EPHA6: variants seen among roughly 807,000 people sequenced by gnomAD.
The protein encoded by EPHA6 is EPH receptor A6.
Under a neutral mutation model 112.0 loss-of-function variants are expected in EPHA6, and 50 were observed. The observed-to-expected ratio is 0.45, with a 90% confidence interval of 0.36 to 0.56. EPHA6 has a LOEUF of 0.56. Among genes scored for constraint, EPHA6 ranks in the 20% least tolerant of loss-of-function variants. The pLI is 0.00. For missense variants in EPHA6, 1,280 were observed against 1,417.4 expected (o/e 0.90, Z 1.56); for synonymous variants, 529 against 490.7 (o/e 1.08, Z -1.03).
intron 3 of EPHA6, among the ~76,000 whole-genome samples, chr3:97,132,707 G>C (rs1290337461): frequency 6.6e-6 from 1 of 151,928 alleles, no homozygotes; most frequent in Non-Finnish European, 1.5e-5. Flanking sequence ...TTACTCAATT[G>C]AGAATACAAA....
At chr3:97,184,612 T>A (rs548442278) in intron 3 of EPHA6, among the ~76,000 whole-genome samples, 25 of 152,232 alleles carry the variant, frequency 1.6e-4, no homozygotes, top group Non-Finnish European at 2.9e-4. Flanking sequence ...GTAGGAAGAA[T>A]CAATATCGTG....
intron 3 of EPHA6, among the ~76,000 whole-genome samples, chr3:96,988,586 A>G (rs534596375): frequency 6.6e-6 from 1 of 152,176 alleles, no homozygotes; most frequent in Non-Finnish European, 1.5e-5. Flanking sequence ...TGAGGGATTC[A>G]TGTATATTTT....
intron 11 of EPHA6, among the ~76,000 whole-genome samples, chr3:97,574,405 AT>A (rs1479556015): frequency 6.6e-6 from 1 of 152,152 alleles, no homozygotes; most frequent in Non-Finnish European, 1.5e-5. Flanking sequence ...GATGAGTAAA[AT>A]GTGGGTTAGA....
chr3:97,117,069 C>G (rs1024036851), intron 3 of EPHA6, among the ~76,000 whole-genome samples: 3 of 151,402 alleles, frequency 2.0e-5, no homozygotes, highest in African/African-American at 7.3e-5. Context: ...TTGTTTTTTC[C>G]TGATGATCAG....
At chr3:96,851,833 A>AG (rs911517684) in intron 1 of EPHA6, among the ~76,000 whole-genome samples, 4 of 152,060 alleles carry the variant, frequency 2.6e-5, no homozygotes, top group African/African-American at 4.8e-5. Flanking sequence ...TGGAATGGTG[A>AG]GAAAAAAAAA....
rs540203065 is a variant in EPHA6 at position 97,753,234 on chromosome 3, G to C, written c.*4533G>C. ...TTACTACAAAGATACGTTTGGCTGT[G>C]CTGTCATTGCTTTCAAGTAACTCTC... On this transcript the variant is annotated 3_prime_UTR_variant, in exon 18 of 18. Transcript: ENST00000389672. Among the ~76,000 whole-genome samples, 1 of 152,192 alleles carries C rather than the reference G, an allele frequency of 6.6e-6. No individual in the cohort carries two copies. The highest frequency in any genetic ancestry group is 1.9e-4 in the East Asian group (1 of 5,184).
rs78194596 is a variant in EPHA6, at chr3:97,325,224, C to A, written c.1607-79926C>A. 6.4e-3 allele frequency among the ~76,000 whole-genome samples: 968 copies of A among 152,168 alleles called. 13 individuals are homozygous for A. The highest frequency in any genetic ancestry group is 0.021 in the African/African-American group (878 of 41,546). On this transcript the variant is annotated intron_variant, in intron 5 of 17. Coordinates refer to ENST00000389672, the MANE Select transcript of EPHA6 (RefSeq NM_001080448.3). The stretch of plus-strand genomic sequence containing the variant: ...TAGGGTTGCCGTAATCAAGCACCAT[C>A]GACTATGTGGCTCAAACAACAGAAA...
chr3:97,348,640 A>T (rs541251713), intron 5 of EPHA6, among the ~76,000 whole-genome samples: 1 of 152,144 alleles, frequency 6.6e-6, no homozygotes, highest in South Asian at 2.1e-4. Context: ...AATGTAATTA[A>T]TGAAACTACA....
At chr3:97,290,220 C>T (rs2080627555) in intron 5 of EPHA6, among the ~76,000 whole-genome samples, 1 of 152,078 alleles carries the variant, frequency 6.6e-6, no homozygotes, top group Non-Finnish European at 1.5e-5. Context: ...ACTCAAAAGT[C>T]ATTCTGGAGT....
chr3:97,515,025 T>C (rs1358593377), intron 10 of EPHA6, among the ~76,000 whole-genome samples: 1 of 152,178 alleles, frequency 6.6e-6, no homozygotes, highest in Admixed American at 6.5e-5. Context: ...CTTCCAGGAT[T>C]CAAGGAAGAA....
intron 1 of EPHA6, among the ~76,000 whole-genome samples, chr3:96,842,798 T>C (rs529014289): frequency 2.0e-5 from 3 of 152,056 alleles, no homozygotes; most frequent in Admixed American, 1.3e-4. Context: ...AGCAGCATCA[T>C]TTTGTCCAGA....
At chr3:97,387,913 C>A (rs1455089589) in intron 5 of EPHA6, among the ~76,000 whole-genome samples, 1 of 152,102 alleles carries the variant, frequency 6.6e-6, no homozygotes, top group South Asian at 2.1e-4. Context: ...ACAGTCATAG[C>A]AGAAGGTGAA....
intron 3 of EPHA6, among the ~76,000 whole-genome samples, chr3:97,191,694 A>G (rs1352081517): frequency 6.6e-6 from 1 of 152,102 alleles, no homozygotes; most frequent in Non-Finnish European, 1.5e-5. Flanking sequence ...GTGTATATGT[A>G]CCACATTTTC....
At chr3:96,916,920 T>C (rs1215669496) in intron 2 of EPHA6, among the ~76,000 whole-genome samples, 1 of 152,182 alleles carries the variant, frequency 6.6e-6, no homozygotes, top group Non-Finnish European at 1.5e-5. Context: ...ACTTAAGTAG[T>C]CTAATGCCTG....
At chr3:97,244,408 G>A in intron 5 of EPHA6, 121 bp downstream of exon 5, 1 of 761,274 alleles carries the variant, frequency 1.3e-6, no homozygotes, top group Non-Finnish European at 2.1e-6. Flanking sequence ...CACTGCAGAG[G>A]TAATGCACTG....
At chr3:97,184,111 A>G (rs1156570844) in intron 3 of EPHA6, among the ~76,000 whole-genome samples, 1 of 152,112 alleles carries the variant, frequency 6.6e-6, no homozygotes, top group East Asian at 1.9e-4. Flanking sequence ...TATTTTTAAA[A>G]CCACTCTAAT....
intron 3 of EPHA6, among the ~76,000 whole-genome samples, chr3:97,056,099 G>C (rs1405869010): frequency 1.3e-5 from 2 of 152,058 alleles, no homozygotes; most frequent in Non-Finnish European, 2.9e-5. Flanking sequence ...TGATGATTTA[G>C]AGAAAATCGA....
intron 4 of EPHA6, among the ~76,000 whole-genome samples, chr3:97,238,651 C>T (rs542859303): frequency 1.3e-5 from 2 of 151,944 alleles, no homozygotes; most frequent in Admixed American, 1.3e-4. Context: ...TTACAGTTAG[C>T]TATATTTTTT....
chr3:96,830,426 T>C (rs917486522), intron 1 of EPHA6, among the ~76,000 whole-genome samples: 2 of 152,184 alleles, frequency 1.3e-5, no homozygotes, highest in Non-Finnish European at 2.9e-5. Flanking sequence ...TTTTCATTTT[T>C]ATTCCACCTC....
Sources: allele counts gnomAD v4.1 joint callset (sites outside exome capture counted in the v4.1 genomes callset), GRCh38; gene constraint gnomAD v4.1.1; transcripts MANE v1.5; gene names NCBI Gene and HGNC (gene_info 2026-07-23, HGNC 2026-07-21).